ACACA: variants seen among roughly 807,000 people sequenced by gnomAD.
ACACA encodes acetyl-CoA carboxylase 1.
ACACA carries 103 observed loss-of-function variants against 296.1 expected under a neutral mutation model. The ratio of observed to expected loss-of-function variants is 0.35; its 90% CI spans 0.30 to 0.41. The LOEUF (loss-of-function observed/expected upper bound fraction) is 0.41, where lower values mean the gene tolerates loss of function less well. Among genes scored for constraint, ACACA ranks in the 10% least tolerant of loss-of-function variants. The pLI is 1.00. For synonymous variants in ACACA, 953 were observed against 1,038.6 expected (o/e 0.92, Z 1.58); for missense variants, 1,554 against 2,989.7 (o/e 0.52, Z 11.20).
In ACACA at chr17:37,179,259, C is replaced by T; in HGVS notation, c.5079+1G>A. 1 of 1,614,130 alleles carries T rather than the reference C, an allele frequency of 6.2e-7. No individual in the cohort carries two copies. ...AGGGAAGGGGGGTTTCAACTACTTG[C>T]CTCATTTCCTCCTGGAAGCCTGTTC... On this transcript the variant is annotated splice_donor_variant, in intron 41 of 55. Coordinates refer to ENST00000616317, the MANE Select transcript of ACACA (RefSeq NM_198834.3). LOFTEE classifies it high-confidence loss of function.
intron 8 of ACACA, among the ~76,000 whole-genome samples, chr17:37,275,080 G>GC (rs541949234): frequency 1.3e-5 from 2 of 151,978 alleles, no homozygotes; most frequent in Non-Finnish European, 2.9e-5. Context: ...GAAAATTCTT[G>GC]CCCCTCTGGC....
In ACACA at chr17:37,338,806, G is replaced by A. The variant is rs9900503; in HGVS notation, c.85+998C>T. ...ATACAAAAAATTAGCCAGGCGTGGC[G>A]GTGGGCACCTGTAATCCCAGCTACT... On this transcript the variant is annotated intron_variant, in intron 2 of 55. Coordinates refer to ENST00000616317, the MANE Select transcript of ACACA (RefSeq NM_198834.3). Among the ~76,000 whole-genome samples, 1,454 of 151,986 alleles carry A rather than the reference G, an allele frequency of 9.6e-3. 20 individuals are homozygous for A. The highest frequency in any genetic ancestry group is 0.033 in the African/African-American group (1,382 of 41,438).
At chr17:37,285,218 T>C (rs1442621630) in intron 3 of ACACA, among the ~76,000 whole-genome samples, 1 of 152,280 alleles carries the variant, frequency 6.6e-6, no homozygotes, top group African/African-American at 2.4e-5. Context: ...CACAAAGAGA[T>C]AGGCAAAGGA....
At chr17:37,263,632 A>T (rs1262182357) in intron 11 of ACACA, 53 bp downstream of exon 11, 1 of 1,452,424 alleles carries the variant, frequency 6.9e-7, no homozygotes, top group African/African-American at 1.4e-5. Flanking sequence ...CATGAACTGA[A>T]TGAAAAATGT....
chr17:37,277,247 T>G, intron 6 of ACACA, 133 bp from the exon 7 acceptor site: 1 of 787,762 alleles, frequency 1.3e-6, no homozygotes, highest in Non-Finnish European at 2.2e-6. Context: ...TTAATTCAGC[T>G]TCTATGCTTG....
At chr17:37,087,559 C>T (rs568203355) in intron 55 of ACACA, 120 bp from the exon 56 acceptor site, 2 of 1,227,520 alleles carry the variant, frequency 1.6e-6, no homozygotes, top group Admixed American at 1.9e-5. Context: ...TTAGTCACGC[C>T]TCACCTTATT....
At position 37,380,222 on chromosome 17, in the gene ACACA, C is replaced by T. The variant is rs553554901; in HGVS notation, c.38+26040G>A. On this transcript the variant is annotated intron_variant, in intron 1 of 55. Coordinates refer to ENST00000616317, the MANE Select transcript of ACACA (RefSeq NM_198834.3). ...TTCTCACTCATAGGTGGGAATTGAACAATGAGATCACATGGACACAGGAAG... is the reference window on the plus strand; with the variant it reads ...TTCTCACTCATAGGTGGGAATTGAATAATGAGATCACATGGACACAGGAAG... 6.1e-4 allele frequency among the ~76,000 whole-genome samples: 84 copies of T among 136,848 alleles called. 1 individual carries two copies. Among genetic ancestry groups the T allele is most frequent in the African/African-American group, 2.2e-3 (80 of 35,900 alleles). 89.8% of individuals were successfully genotyped at this position (136,848 alleles called of 152,430 possible).
chr17:37,096,461 C>T (rs1409149783), intron 54 of ACACA, among the ~76,000 whole-genome samples: 1 of 152,188 alleles, frequency 6.6e-6, no homozygotes, highest in Non-Finnish European at 1.5e-5. Context: ...TGACTGCCCC[C>T]AAATCCAGCC....
In ACACA at chr17:37,221,769, C is replaced by G; in HGVS notation, c.3638G>C (p.Cys1213Ser). ...CAGCATGAACTGGAATTCCACCACA[C>G]AGGTGTTGTCCTTAAGCTGGCGGTG... ...VQHRQLKDNTCVVEFQFMLPT... is the reference protein window; with the variant it reads ...VQHRQLKDNTSVVEFQFMLPT... Residue 1213 changes from cysteine to serine, a missense_variant, in exon 29 of 56, where the codon TGT becomes TCT. By Grantham distance (112) the Cys-to-Ser change is moderately radical. Coordinates refer to ENST00000616317, the MANE Select transcript of ACACA (RefSeq NM_198834.3). 6.2e-7 allele frequency: 1 copy of G among 1,614,210 alleles called. No homozygotes were observed. The highest frequency in any genetic ancestry group is 8.5e-7 in the Non-Finnish European group (1 of 1,180,022).
intron 1 of ACACA, among the ~76,000 whole-genome samples, chr17:37,380,158 A>G (rs1373193745): frequency 2.0e-5 from 3 of 151,910 alleles, no homozygotes; most frequent in African/African-American, 7.3e-5. Flanking sequence ...CATCATTCTC[A>G]GTAAACTATC....
At chr17:37,226,225 AT>A in intron 26 of ACACA, 113 bp downstream of exon 26, 1 of 851,058 alleles carries the variant, frequency 1.2e-6, no homozygotes, top group East Asian at 2.4e-5. Context: ...CGTGACACAT[AT>A]ATAGAAAATA....
intron 10 of ACACA, among the ~76,000 whole-genome samples, chr17:37,268,952 T>A (rs1002751576): frequency 3.3e-5 from 5 of 150,588 alleles, no homozygotes; most frequent in African/African-American, 9.8e-5. Flanking sequence ...TTAACATGCC[T>A]TTTTTTTCTT....
chr17:37,224,134 G>A (rs2079426591), intron 27 of ACACA, among the ~76,000 whole-genome samples: 1 of 152,154 alleles, frequency 6.6e-6, no homozygotes, highest in Non-Finnish European at 1.5e-5. Flanking sequence ...CTCAGGAGGT[G>A]GAGGTTGCAG....
intron 10 of ACACA, among the ~76,000 whole-genome samples, chr17:37,268,741 C>CTATCTATCTATATATATATATATATA (rs1219982787): frequency 2.1e-5 from 2 of 94,528 alleles, no homozygotes; most frequent in African/African-American, 8.0e-5. Context: ...ATCTATCTAT[C>CTATCTATCTATATATATATATATATA]TATATATATA....
chr17:37,323,344 C>G (rs1028104098), intron 3 of ACACA, among the ~76,000 whole-genome samples: 11 of 152,244 alleles, frequency 7.2e-5, no homozygotes, highest in Non-Finnish European at 1.5e-4. Flanking sequence ...CCTGTCATCC[C>G]AGCACTTGGG....
intron 52 of ACACA, among the ~76,000 whole-genome samples, chr17:37,105,954 C>T (rs1199850825): frequency 1.3e-5 from 2 of 152,056 alleles, no homozygotes; most frequent in South Asian, 2.1e-4. Context: ...CAAGACCACC[C>T]TCCCCAGAAA....
At chr17:37,185,234 G>A (rs1033609013) in intron 39 of ACACA, among the ~76,000 whole-genome samples, 19 of 151,942 alleles carry the variant, frequency 1.3e-4, no homozygotes, top group African/African-American at 4.1e-4. Flanking sequence ...CAATAAAGGT[G>A]TTATTTATTA....
At position 37,299,245 on chromosome 17, in the gene ACACA, T is replaced by C. The variant is rs368969820; in HGVS notation, c.339-14275A>G. 123 of 1,599,484 alleles carry C rather than the reference T, an allele frequency of 7.7e-5. 1 individual carries two copies. The highest frequency in any genetic ancestry group is 1.3e-5 in the African/African-American group (1 of 74,578). ...GTACCTTACTGTTTTTTTAAAGATA[T>C]ATATATTACCCAAATGTGGTAGCCT... On this transcript the variant is annotated intron_variant, in intron 3 of 55. Coordinates refer to ENST00000616317, the MANE Select transcript of ACACA (RefSeq NM_198834.3).
chr17:37,302,967 T>C (rs1023186313), intron 3 of ACACA, among the ~76,000 whole-genome samples: 1 of 152,202 alleles, frequency 6.6e-6, no homozygotes, highest in Non-Finnish European at 1.5e-5. Flanking sequence ...ATTATATGTG[T>C]CATTTTTTTA....
Sources: allele counts gnomAD v4.1 joint callset (sites outside exome capture counted in the v4.1 genomes callset), GRCh38; gene constraint gnomAD v4.1.1; transcripts MANE v1.5; gene names NCBI Gene and HGNC (gene_info 2026-07-23, HGNC 2026-07-21).